The following PLCB1 variants were observed in gnomAD, a reference collection of about 807,000 sequenced individuals.
The protein encoded by PLCB1 is phospholipase C beta 1.
In PLCB1, 46 loss-of-function variants were observed where a neutral mutation model predicts 161.8. The ratio of observed to expected loss-of-function variants is 0.28; its 90% CI spans 0.22 to 0.36. The LOEUF (loss-of-function observed/expected upper bound fraction) is 0.36, where lower values mean the gene tolerates loss of function less well. Among genes scored for constraint, PLCB1 ranks in the 10% least tolerant of loss-of-function variants. The pLI, the probability that PLCB1 is intolerant of heterozygous loss-of-function variation, is 1.00. For missense variants in PLCB1, 1,016 were observed against 1,472.5 expected, an observed-to-expected ratio of 0.69 and a Z score of 5.07; for synonymous variants, 517 against 503.7, an observed-to-expected ratio of 1.03 and a Z score of -0.35.
chr20:8,774,910 G>C (rs1398445026), intron 27 of PLCB1, among the ~76,000 whole-genome samples, 191 bp downstream of exon 27: 1 of 152,082 alleles, frequency 6.6e-6, no homozygotes, highest in Non-Finnish European at 1.5e-5. Flanking sequence ...TCTTTACCAA[G>C]CTTCTCTGTC....
intron 2 of PLCB1, among the ~76,000 whole-genome samples, chr20:8,370,114 G>A (rs571129241): frequency 2.2e-4 from 33 of 152,270 alleles, no homozygotes; most frequent in Admixed American, 1.7e-3. Flanking sequence ...GGGATTCGAT[G>A]CTCCATCCAA....
At chr20:8,369,503 G>A (rs775975040) in intron 2 of PLCB1, among the ~76,000 whole-genome samples, 1 of 152,154 alleles carries the variant, frequency 6.6e-6, no homozygotes. Context: ...CTTCACAGAG[G>A]GTTCTATAAT....
intron 3 of PLCB1, among the ~76,000 whole-genome samples, chr20:8,385,244 A>C (rs1435899352): frequency 2.0e-5 from 3 of 152,126 alleles, no homozygotes. Context: ...GAGTTCCTGC[A>C]AGGAGTCCCC....
chr20:8,350,795 A>G (rs981864102), intron 2 of PLCB1, among the ~76,000 whole-genome samples: 4 of 152,260 alleles, frequency 2.6e-5, no homozygotes, highest in African/African-American at 9.6e-5. Context: ...AAATTTGACA[A>G]AATATATCAA....
At chr20:8,327,642 A>T (rs1985208987) in intron 2 of PLCB1, among the ~76,000 whole-genome samples, 1 of 152,210 alleles carries the variant, frequency 6.6e-6, no homozygotes. Flanking sequence ...AGGCCTGTTC[A>T]TCATAGCTCA....
At chr20:8,758,852 A>G (rs6056070) in intron 24 of PLCB1, among the ~76,000 whole-genome samples, 39,520 of 152,078 alleles carry the variant, frequency 0.26, 5,518 homozygotes, top group Non-Finnish European at 0.32. Context: ...CACAGAATAC[A>G]TTGCAAAAAT....
intron 10 of PLCB1, among the ~76,000 whole-genome samples, chr20:8,694,483 A>G (rs942334875): frequency 2.0e-5 from 3 of 152,138 alleles, no homozygotes; most frequent in African/African-American, 7.2e-5. Context: ...ATGCCTTACC[A>G]TGGTTTTCAA....
chr20:8,486,413 A>G (rs1032437964), intron 3 of PLCB1, among the ~76,000 whole-genome samples: 8 of 152,172 alleles, frequency 5.3e-5, no homozygotes, highest in Non-Finnish European at 1.0e-4. Flanking sequence ...CAGATTCAGA[A>G]AGATAAAATA....
At chr20:8,812,051 G>A (rs1568609053) in intron 31 of PLCB1, among the ~76,000 whole-genome samples, 1 of 150,966 alleles carries the variant, frequency 6.6e-6, no homozygotes, top group Non-Finnish European at 1.5e-5. Context: ...AAGAGAGGAA[G>A]GTATTTTTTT....
chr20:8,373,013 A>G (rs193179026), intron 3 of PLCB1, among the ~76,000 whole-genome samples: 1 of 152,246 alleles, frequency 6.6e-6, no homozygotes, highest in East Asian at 1.9e-4. Flanking sequence ...TTATCAGTTA[A>G]GTGTTTCGTT....
At chr20:8,372,437 G>A (rs1032934135) in intron 3 of PLCB1, among the ~76,000 whole-genome samples, 9 of 152,084 alleles carry the variant, frequency 5.9e-5, no homozygotes, top group Admixed American at 2.0e-4. Context: ...GCAAACACAC[G>A]GCTGCTGGGT....
intron 7 of PLCB1, among the ~76,000 whole-genome samples, chr20:8,654,165 C>A (rs1169849362): frequency 2.6e-5 from 4 of 151,978 alleles, no homozygotes; most frequent in African/African-American, 9.7e-5. Context: ...TTGTTAAAAT[C>A]TTTTCCCTTT....
At chr20:8,784,081 A>G (rs977995628) in intron 27 of PLCB1, among the ~76,000 whole-genome samples, 2 of 152,234 alleles carry the variant, frequency 1.3e-5, no homozygotes, top group African/African-American at 4.8e-5. Context: ...AAAAAGAGAT[A>G]AATTATTGAT....
chr20:8,613,318 G>T (rs950350947), intron 3 of PLCB1, among the ~76,000 whole-genome samples: 1 of 152,170 alleles, frequency 6.6e-6, no homozygotes, highest in Non-Finnish European at 1.5e-5. Flanking sequence ...AGGTATTAGA[G>T]CATAACAATT....
chr20:8,521,699 A>G (rs1038021056), intron 3 of PLCB1, among the ~76,000 whole-genome samples: 5 of 152,184 alleles, frequency 3.3e-5, no homozygotes, highest in African/African-American at 1.2e-4. Context: ...ATAAATTATG[A>G]TTCACAGAAT....
intron 24 of PLCB1, among the ~76,000 whole-genome samples, chr20:8,758,175 G>A (rs1230785081): frequency 5.3e-5 from 8 of 150,144 alleles, no homozygotes; most frequent in South Asian, 4.2e-4. Context: ...ACTAGATCAG[G>A]GTGCCAGTAG....
intron 11 of PLCB1, among the ~76,000 whole-genome samples, chr20:8,706,240 A>C (rs933555020): frequency 6.6e-6 from 1 of 152,242 alleles, no homozygotes; most frequent in East Asian, 1.9e-4. Context: ...GACTCTACTC[A>C]GCAGCAGCAC....
chr20:8,207,676 G>A (rs1459247983), intron 2 of PLCB1, among the ~76,000 whole-genome samples: 1 of 152,056 alleles, frequency 6.6e-6, no homozygotes. Flanking sequence ...AAACTCTTGG[G>A]TTCAAGGAAT....
At chr20:8,325,613 A>C (rs545105952) in intron 2 of PLCB1, among the ~76,000 whole-genome samples, 2 of 152,250 alleles carry the variant, frequency 1.3e-5, no homozygotes, top group African/African-American at 4.8e-5. Flanking sequence ...CCATTTAATC[A>C]TTTCATCTAT....
Sources: allele counts gnomAD v4.1 joint callset (sites outside exome capture counted in the v4.1 genomes callset), GRCh38; gene constraint gnomAD v4.1.1; transcripts MANE v1.5; gene names NCBI Gene and HGNC (gene_info 2026-07-23, HGNC 2026-07-21).